The following VWA5B1 variants were observed in gnomAD, a reference collection of about 807,000 sequenced individuals.
VWA5B1 encodes the protein von Willebrand factor A domain containing 5B1.
VWA5B1 carries 115 observed loss-of-function variants against 118.2 expected under a neutral mutation model. The ratio of observed to expected loss-of-function variants is 0.97; its 90% confidence interval spans 0.84 to 1.14. The LOEUF (loss-of-function observed/expected upper bound fraction) is 1.14, where lower values mean the gene tolerates loss of function less well. Ranked by LOEUF, VWA5B1 falls within the 50% of genes most tolerant of loss-of-function variation. VWA5B1 has a pLI of 0.00. For synonymous variants in VWA5B1, 682 were observed against 658.4 expected (o/e 1.04, Z -0.55); for missense variants, 1,596 against 1,603.8 (o/e 1.00, Z 0.08).
rs2090229495 is a variant in VWA5B1, at chr1:20,356,364, TTC to T, written c.*2102_*2103del. Among the ~76,000 whole-genome samples the T allele has an allele frequency of 6.6e-6, 1 of 152,230 alleles. No homozygotes were observed. The highest frequency in any genetic ancestry group is 2.4e-5 in the African/African-American group (1 of 41,466). On this transcript the variant is annotated 3_prime_UTR_variant, in exon 22 of 22. Transcript: ENST00000289815. ...TCTCTGCCTCTGAGATGTTTCCCTC[TTC>T]ATGAACATGAATTTGCTTGAGTTCT...
At position 20,343,311 on chromosome 1, in the gene VWA5B1, C is replaced by G. The variant is rs1393330569; in HGVS notation, c.2544C>G (p.Ser848Arg). 2.6e-6 allele frequency: 4 copies of G among 1,545,900 alleles called. No individual in the cohort carries two copies. Among genetic ancestry groups the G allele is most frequent in the Non-Finnish European group, 3.5e-6 (4 of 1,146,218 alleles). Residue 848 changes from serine (S) to arginine (R), a missense_variant, in exon 16 of 22, where the codon AGC becomes AGG. Transcript: ENST00000289815. ...RGGAQDADLW[S>R]ETFHHLAARA... ...GCGCGCAGGATGCCGACCTATGGAG[C>G]GAGACCTTCCACCACCTGGCGGCCC...
intron 1 of VWA5B1, among the ~76,000 whole-genome samples, chr1:20,299,864 G>A (rs2088474197): frequency 6.6e-6 from 1 of 152,216 alleles, no homozygotes. Flanking sequence ...CCCACTCCTA[G>A]AAAGCACAGC....
At chr1:20,351,752 C>T (rs914306894) in intron 20 of VWA5B1, among the ~76,000 whole-genome samples, 2 of 152,152 alleles carry the variant, frequency 1.3e-5, no homozygotes, top group South Asian at 2.1e-4. Flanking sequence ...GTTGAGGCTG[C>T]AGTAAGCTAC....
chr1:20,336,251 C>T lies in VWA5B1; in HGVS notation c.1759-52C>T, dbSNP rs897627602. On this transcript the variant is annotated intron_variant, in intron 12 of 21. Transcript: ENST00000289815. Reference sequence around the variant, plus strand: ...ACACCCCTTGCTCCCTGCGGAAGTCCTTCCTGACACCTAGCCTCACTCCTA... The same window carrying T: ...ACACCCCTTGCTCCCTGCGGAAGTCTTTCCTGACACCTAGCCTCACTCCTA... 40 of 1,291,738 alleles carry T rather than the reference C, an allele frequency of 3.1e-5. No homozygotes were observed. In the African/African-American group the frequency reaches 4.3e-4, roughly 14 times the overall value. The allele number at this position is 1,291,738 out of a possible 1,614,324, so 80.0% of individuals were successfully genotyped here.
At chr1:20,352,246 C>A in intron 21 of VWA5B1, 74 bp downstream of exon 21, 1 of 1,101,942 alleles carries the variant, frequency 9.1e-7, no homozygotes, top group Non-Finnish European at 1.3e-6. Flanking sequence ...GATCCCCCTG[C>A]CCACCTCTCC....
Position 20,330,997 on chromosome 1 carries a change from C to T in VWA5B1, c.1572+14C>T, listed in dbSNP as rs2089537135. The T allele has an allele frequency of 5.2e-6, 8 of 1,530,480 alleles. No homozygotes were observed. In the Admixed American group the frequency reaches 6.2e-5, roughly 12 times the overall value. 94.8% of individuals were successfully genotyped at this position (1,530,480 alleles called of 1,614,324 possible). On this transcript the variant is annotated intron_variant, in intron 11 of 21. Transcript: ENST00000289815. Reference sequence around the variant, plus strand: ...CTGCAACCCAAGGTAGGCAGCAGAACCCACGCAGTCCCTTCTGGTGCTGGA... The same window carrying T: ...CTGCAACCCAAGGTAGGCAGCAGAATCCACGCAGTCCCTTCTGGTGCTGGA...
intron 1 of VWA5B1, among the ~76,000 whole-genome samples, chr1:20,308,152 A>G (rs1216703240): frequency 6.6e-6 from 1 of 152,174 alleles, no homozygotes; most frequent in Non-Finnish European, 1.5e-5. Context: ...TTCCTGCATT[A>G]TTCGCTTAGG....
At chr1:20,317,442 G>A in intron 4 of VWA5B1, 88 bp from the exon 5 acceptor site, 1 of 1,492,066 alleles carries the variant, frequency 6.7e-7, no homozygotes, top group East Asian at 2.5e-5. Flanking sequence ...GGGCTGCCTG[G>A]AACTCATCGT....
At chr1:20,305,511 CA>C (rs2088624792) in intron 1 of VWA5B1, among the ~76,000 whole-genome samples, 1 of 151,914 alleles carries the variant, frequency 6.6e-6, no homozygotes. Context: ...ATCAGCCCCC[CA>C]AGGAGAAGGG....
intron 4 of VWA5B1, among the ~76,000 whole-genome samples, chr1:20,316,999 C>CAA (rs11445689): frequency 6.6e-6 from 1 of 150,852 alleles, no homozygotes; most frequent in Non-Finnish European, 1.5e-5. Flanking sequence ...CTAGTAAAAA[C>CAA]AAAAAAATGA....
intron 19 of VWA5B1, 132 bp from the exon 20 acceptor site, chr1:20,350,725 T>C (rs1323388228): frequency 2.5e-6 from 2 of 813,482 alleles, no homozygotes; most frequent in East Asian, 2.7e-5. Flanking sequence ...CACAGCCTAA[T>C]GGTTAGCTCG....
In VWA5B1 at chr1:20,326,347, C is replaced by G. The variant is rs567537180; in HGVS notation, c.1144-1543C>G. Among the ~76,000 whole-genome samples, 5 of 151,950 alleles carry G rather than the reference C, an allele frequency of 3.3e-5. No homozygotes were observed. The East Asian group carries it at 9.7e-4, about 29-fold the overall frequency. ...GCTTCCCTGAAGCCATGCTGAGATC[C>G]CTGGGGTACTATCAATAAACAAGAT... On this transcript the variant is annotated intron_variant, in intron 8 of 21. Coordinates refer to ENST00000289815, the MANE Select transcript of VWA5B1 (RefSeq NM_001039500.3).
At chr1:20,309,384 C>G (rs2088771636) in intron 1 of VWA5B1, among the ~76,000 whole-genome samples, 1 of 152,222 alleles carries the variant, frequency 6.6e-6, no homozygotes, top group African/African-American at 2.4e-5. Context: ...GCACACTGGT[C>G]TGGCCTCCCT....
chr1:20,343,959 C>T (rs866643135), intron 16 of VWA5B1, among the ~76,000 whole-genome samples: 3 of 134,708 alleles, frequency 2.2e-5, no homozygotes, highest in African/African-American at 8.6e-5. Flanking sequence ...GGCTTCAGCC[C>T]CCTTCATCTC....
At chr1:20,299,162 A>G (rs2088459561) in intron 1 of VWA5B1, among the ~76,000 whole-genome samples, 1 of 152,102 alleles carries the variant, frequency 6.6e-6, no homozygotes, top group African/African-American at 2.4e-5. Context: ...GGAACCTCTA[A>G]ACCCTAAAAC....
At chr1:20,337,343 G>C (rs950038484) in intron 13 of VWA5B1, among the ~76,000 whole-genome samples, 1 of 152,054 alleles carries the variant, frequency 6.6e-6, no homozygotes, top group Non-Finnish European at 1.5e-5. Context: ...GCCCAGGCTG[G>C]TCTGGAACTC....
chr1:20,329,518 AG>A (rs2100923613), intron 9 of VWA5B1, among the ~76,000 whole-genome samples: 1 of 152,150 alleles, frequency 6.6e-6, no homozygotes, highest in East Asian at 1.9e-4. Flanking sequence ...CATTTTGGCC[AG>A]GCTGGTCTCG....
At chr1:20,350,695 A>C (rs572322312) in intron 19 of VWA5B1, among the ~76,000 whole-genome samples, 162 bp from the exon 20 acceptor site, 1 of 152,290 alleles carries the variant, frequency 6.6e-6, no homozygotes, top group South Asian at 2.1e-4. Flanking sequence ...ACCCTACACC[A>C]ACTGGAGCGG....
At position 20,320,454 on chromosome 1, in the gene VWA5B1, T is replaced by G. The variant is rs143117317; in HGVS notation, c.966+948T>G. ...CCTCAGCCAGATGAGTCAGTTGGGA[T>G]AAGAAGCTGGAGCCCGGGGTTCTCA... On this transcript the variant is annotated intron_variant, in intron 7 of 21. Coordinates refer to ENST00000289815, the MANE Select transcript of VWA5B1 (RefSeq NM_001039500.3). 1.5e-4 allele frequency among the ~76,000 whole-genome samples: 23 copies of G among 152,258 alleles called. No individual in the cohort carries two copies. In the East Asian group the frequency reaches 4.5e-3, roughly 30 times the overall value.
Sources: allele counts gnomAD v4.1 joint callset (sites outside exome capture counted in the v4.1 genomes callset), GRCh38; gene constraint gnomAD v4.1.1; transcripts MANE v1.5; gene names NCBI Gene and HGNC (gene_info 2026-07-23, HGNC 2026-07-21).